Variants in ZNF521 observed in about 807,000 individuals in gnomAD.
ZNF521 encodes zinc finger protein 521.
ZNF521 carries 14 observed loss-of-function variants against 105.5 expected under a neutral mutation model. The observed-to-expected ratio is 0.13, with a 90% confidence interval of 0.09 to 0.21. The LOEUF (loss-of-function observed/expected upper bound fraction) is 0.21, where lower values mean the gene tolerates loss of function less well. ZNF521 is among the 10% of genes least tolerant of loss of function. ZNF521 has a pLI of 1.00. For synonymous variants in ZNF521, 635 were observed against 606.0 expected (o/e 1.05, Z -0.70); for missense variants, 1,233 against 1,629.7 (o/e 0.76, Z 4.19).
intron 5 of ZNF521, among the ~76,000 whole-genome samples, chr18:25,106,412 AGTTAGATTTCC>A (rs747556563): frequency 3.3e-5 from 5 of 152,160 alleles, no homozygotes; most frequent in Non-Finnish European, 5.9e-5. Flanking sequence ...GTAAATAAAA[AGTTAGATTTCC>A]CTGTACTACA....
intron 2 of ZNF521, among the ~76,000 whole-genome samples, chr18:25,334,085 A>G (rs1369165460): frequency 6.6e-6 from 1 of 152,170 alleles, no homozygotes; most frequent in Non-Finnish European, 1.5e-5. Context: ...CCTTGCCACC[A>G]CCACTAAAAT....
At chr18:25,178,604 A>G (rs2035574144) in intron 5 of ZNF521, among the ~76,000 whole-genome samples, 1 of 152,230 alleles carries the variant, frequency 6.6e-6, no homozygotes, top group Non-Finnish European at 1.5e-5. Context: ...ATTCTGATGC[A>G]GAAGCATACT....
chr18:25,314,704 A>G (rs1294632387), intron 3 of ZNF521, among the ~76,000 whole-genome samples: 2 of 152,224 alleles, frequency 1.3e-5, no homozygotes, highest in Non-Finnish European at 2.9e-5. Context: ...ATGGTAGACC[A>G]GAGGGTTAAG....
At chr18:25,307,920 G>T (rs1315622348) in intron 3 of ZNF521, among the ~76,000 whole-genome samples, 1 of 152,132 alleles carries the variant, frequency 6.6e-6, no homozygotes, top group East Asian at 1.9e-4. Flanking sequence ...GGATACCCCA[G>T]GCCAGGCACA....
chr18:25,255,339 A>G (rs1197468768), intron 3 of ZNF521, among the ~76,000 whole-genome samples: 2 of 152,154 alleles, frequency 1.3e-5, no homozygotes, highest in Non-Finnish European at 2.9e-5. Context: ...TTAATACTTT[A>G]CATACAAAGT....
intron 3 of ZNF521, among the ~76,000 whole-genome samples, chr18:25,272,816 C>T (rs142661929): frequency 2.6e-5 from 4 of 152,042 alleles, no homozygotes; most frequent in East Asian, 1.9e-4. Flanking sequence ...ATGTAGATGA[C>T]GGGTTGATAG....
chr18:25,321,383 C>T (rs2145144982), intron 3 of ZNF521, among the ~76,000 whole-genome samples: 1 of 152,336 alleles, frequency 6.6e-6, no homozygotes, highest in East Asian at 1.9e-4. Flanking sequence ...TTCCAAGGAA[C>T]TGCATAGCAG....
chr18:25,219,917 C>T (rs1905589530), intron 4 of ZNF521, among the ~76,000 whole-genome samples: 1 of 152,198 alleles, frequency 6.6e-6, no homozygotes. Flanking sequence ...CTGATAAATG[C>T]ATGCAGTCAC....
chr18:25,342,885 T>C (rs540088583), intron 2 of ZNF521, among the ~76,000 whole-genome samples: 2 of 152,360 alleles, frequency 1.3e-5, no homozygotes, highest in East Asian at 3.9e-4. Context: ...AAGCACTAAC[T>C]GGACCTAATC....
chr18:25,247,571 TTGA>T (rs1244083285), intron 3 of ZNF521, among the ~76,000 whole-genome samples: 1 of 152,222 alleles, frequency 6.6e-6, no homozygotes, highest in Admixed American at 6.5e-5. Context: ...TAGTATTTTT[TTGA>T]AGTTTCTCAG....
At chr18:25,134,579 C>T (rs370624110) in intron 5 of ZNF521, among the ~76,000 whole-genome samples, 7 of 152,124 alleles carry the variant, frequency 4.6e-5, no homozygotes, top group Non-Finnish European at 7.4e-5. Flanking sequence ...ATGTGGGAAG[C>T]GGACTTCAGA....
At chr18:25,145,666 C>G (rs1304717981) in intron 5 of ZNF521, among the ~76,000 whole-genome samples, 12 of 152,098 alleles carry the variant, frequency 7.9e-5, no homozygotes, top group African/African-American at 2.9e-4. Context: ...TCTTTTTGAG[C>G]AAGGACAAAA....
rs146617244 is a variant in ZNF521, at chr18:25,218,099, G to A, written c.3573+6246C>T. 2.7e-3 allele frequency among the ~76,000 whole-genome samples: 410 copies of A among 152,254 alleles called. 1 individual carries two copies. The highest frequency in any genetic ancestry group is 0.014 in the Middle Eastern group (4 of 294). Reference sequence around the variant, plus strand: ...AAAGAAGGGAAAGCCGAAACCTGAAGGGTCCTGTATTTCACAATAAAAGGA... The same window carrying A: ...AAAGAAGGGAAAGCCGAAACCTGAAAGGTCCTGTATTTCACAATAAAAGGA... On this transcript the variant is annotated intron_variant, in intron 4 of 7. Transcript: ENST00000361524.
At chr18:25,126,751 C>T (rs2034546414) in intron 5 of ZNF521, among the ~76,000 whole-genome samples, 1 of 151,856 alleles carries the variant, frequency 6.6e-6, no homozygotes, top group Non-Finnish European at 1.5e-5. Context: ...ACTTCTAATA[C>T]CTACAGTGAT....
chr18:25,316,513 A>G (rs892482449), intron 3 of ZNF521, among the ~76,000 whole-genome samples: 2 of 151,978 alleles, frequency 1.3e-5, no homozygotes, highest in African/African-American at 2.4e-5. Flanking sequence ...AGACCTCCCA[A>G]CTTACACTAA....
rs116180683 is a variant in ZNF521, at chr18:25,105,648, C to T, written c.3659-13567G>A. Among the ~76,000 whole-genome samples, 584 of 152,180 alleles carry T rather than the reference C, an allele frequency of 3.8e-3. 7 individuals carry two copies. The highest frequency in any genetic ancestry group is 0.013 in the African/African-American group (556 of 41,518). ...ATCTGCTCAATAACACAAATTTCTC[C>T]AGGTAACTCAAGTCCTAGGAAGAGC... On this transcript the variant is annotated intron_variant, in intron 5 of 7. Transcript: ENST00000361524.
At chr18:25,129,515 G>T (rs1303132609) in intron 5 of ZNF521, among the ~76,000 whole-genome samples, 1 of 151,878 alleles carries the variant, frequency 6.6e-6, no homozygotes, top group Non-Finnish European at 1.5e-5. Context: ...CTTCTGCTCT[G>T]CAAAAGACAA....
chr18:25,335,066 C>A (rs1227169338), intron 2 of ZNF521, among the ~76,000 whole-genome samples: 1 of 152,112 alleles, frequency 6.6e-6, no homozygotes, highest in South Asian at 2.1e-4. Context: ...TTGTGACATG[C>A]CGATTGTGCA....
chr18:25,109,030 T>A (rs2034130755), intron 5 of ZNF521, among the ~76,000 whole-genome samples: 1 of 152,158 alleles, frequency 6.6e-6, no homozygotes. Context: ...AATGGTGAGA[T>A]CTGGATGTCC....
Sources: allele counts gnomAD v4.1 joint callset (sites outside exome capture counted in the v4.1 genomes callset), GRCh38; gene constraint gnomAD v4.1.1; transcripts MANE v1.5; gene names NCBI Gene and HGNC (gene_info 2026-07-23, HGNC 2026-07-21).